DGKB: variants seen among roughly 807,000 people sequenced by gnomAD.
DGKB encodes 90 kDa diacylglycerol kinase.
DGKB carries 67 observed loss-of-function variants against 114.3 expected under a neutral mutation model. The ratio of observed to expected loss-of-function variants is 0.59; its 90% CI spans 0.48 to 0.72. DGKB has a LOEUF of 0.72. DGKB is among the 30% of genes least tolerant of loss of function. DGKB has a pLI of 0.00. For missense variants in DGKB, 907 were observed against 975.2 expected (o/e 0.93, Z 0.93); for synonymous variants, 398 against 323.1 (o/e 1.23, Z -2.49).
intron 21 of DGKB, among the ~76,000 whole-genome samples, chr7:14,435,089 T>C (rs990940747): frequency 6.6e-6 from 1 of 152,102 alleles, no homozygotes; most frequent in Non-Finnish European, 1.5e-5. Flanking sequence ...TTATTTTGCT[T>C]AATATTAACA....
chr7:14,623,519 G>A (rs947459007), intron 14 of DGKB, among the ~76,000 whole-genome samples: 3 of 152,066 alleles, frequency 2.0e-5, no homozygotes, highest in African/African-American at 4.8e-5. Context: ...AAATAGCTTT[G>A]AAAGTAAAGC....
At chr7:14,532,462 T>C (rs544212358) in intron 20 of DGKB, among the ~76,000 whole-genome samples, 24 of 151,562 alleles carry the variant, frequency 1.6e-4, no homozygotes, top group Middle Eastern at 6.8e-3. Context: ...TCCACATAAA[T>C]AGTAAAACTA....
chr7:14,806,208 C>A (rs1369701519), intron 2 of DGKB, among the ~76,000 whole-genome samples: 1 of 151,942 alleles, frequency 6.6e-6, no homozygotes, highest in Non-Finnish European at 1.5e-5. Flanking sequence ...AACTTTCACT[C>A]AAAGTGCTAT....
chr7:14,728,902 A>G (rs953844913), intron 5 of DGKB, among the ~76,000 whole-genome samples: 2 of 151,668 alleles, frequency 1.3e-5, no homozygotes, highest in Non-Finnish European at 2.9e-5. Context: ...GGGTTTCACT[A>G]TGTTGGCCAG....
At chr7:14,700,161 T>C (rs1017451183) in intron 7 of DGKB, among the ~76,000 whole-genome samples, 4 of 151,654 alleles carry the variant, frequency 2.6e-5, no homozygotes, top group Admixed American at 6.6e-5. Context: ...GTATTTCTAA[T>C]GGGAAACTGA....
At chr7:14,598,826 C>T (rs1585036837) in intron 17 of DGKB, among the ~76,000 whole-genome samples, 1 of 152,136 alleles carries the variant, frequency 6.6e-6, no homozygotes, top group Non-Finnish European at 1.5e-5. Context: ...ACTGCTCATG[C>T]TCTTTTTCTC....
chr7:14,352,703 T>C (rs1279984985), intron 21 of DGKB, among the ~76,000 whole-genome samples: 1 of 152,156 alleles, frequency 6.6e-6, no homozygotes, highest in Non-Finnish European at 1.5e-5. Flanking sequence ...GGTAGGCGGA[T>C]CACGAGGTCA....
intron 2 of DGKB, among the ~76,000 whole-genome samples, chr7:14,840,144 C>A (rs1847722142): frequency 6.6e-6 from 1 of 152,188 alleles, no homozygotes; most frequent in Non-Finnish European, 1.5e-5. Context: ...TGATACACAT[C>A]TCTTATATCC....
intron 23 of DGKB, among the ~76,000 whole-genome samples, chr7:14,319,039 A>T (rs1296750304): frequency 6.6e-6 from 1 of 151,722 alleles, no homozygotes; most frequent in Non-Finnish European, 1.5e-5. Context: ...TCGCAAGAAC[A>T]AAAAACCAAA....
At chr7:14,955,473 T>C (rs1297623435) in intron 1 of DGKB, among the ~76,000 whole-genome samples, 1 of 152,038 alleles carries the variant, frequency 6.6e-6, no homozygotes, top group Non-Finnish European at 1.5e-5. Context: ...TATATTCAAC[T>C]AACTTCCTTC....
chr7:14,406,759 C>G (rs1050397060), intron 21 of DGKB, among the ~76,000 whole-genome samples: 1 of 152,010 alleles, frequency 6.6e-6, no homozygotes, highest in Non-Finnish European at 1.5e-5. Flanking sequence ...TTTATTTGTA[C>G]AATATGAGAT....
At chr7:14,369,881 C>A (rs1817343662) in intron 21 of DGKB, among the ~76,000 whole-genome samples, 2 of 152,004 alleles carry the variant, frequency 1.3e-5, no homozygotes, top group East Asian at 3.9e-4. Flanking sequence ...TATGTAAATG[C>A]ACACATATCT....
intron 1 of DGKB, among the ~76,000 whole-genome samples, chr7:14,960,369 G>GC (rs1554354258): frequency 6.6e-6 from 1 of 151,706 alleles, no homozygotes; most frequent in Non-Finnish European, 1.5e-5. Context: ...CACCTAAAAA[G>GC]TTTTTTTAAT....
intron 1 of DGKB, among the ~76,000 whole-genome samples, chr7:14,973,225 T>C (rs781484640): frequency 2.4e-4 from 37 of 151,966 alleles, no homozygotes; most frequent in Non-Finnish European, 4.9e-4. Context: ...TCTCTACTTA[T>C]CTCTATGCTT....
intron 23 of DGKB, among the ~76,000 whole-genome samples, chr7:14,265,725 A>G (rs1250543330): frequency 6.6e-6 from 1 of 152,108 alleles, no homozygotes; most frequent in Non-Finnish European, 1.5e-5. Context: ...TTTTCAATAT[A>G]CCCTCATGGT....
At chr7:14,213,086 A>G (rs62445574) in intron 23 of DGKB, among the ~76,000 whole-genome samples, 10,788 of 152,130 alleles carry the variant, frequency 0.071, 536 homozygotes, top group Middle Eastern at 0.14. Context: ...TTTGAAATAT[A>G]TCAGTTTTGT....
In DGKB at chr7:14,147,115, T is replaced by C. The variant is rs1781558513; in HGVS notation, c.*2016A>G. The C allele has an allele frequency of 6.6e-6, 1 of 152,160 alleles. No individual in the cohort carries two copies. Among genetic ancestry groups the C allele is most frequent in the African/African-American group, 2.4e-5 (1 of 41,462 alleles). The allele number at this position is 152,160 out of a possible 1,614,324, so 9.4% of individuals were successfully genotyped here. Reference sequence around the variant, plus strand: ...TGAAAATATTTATTACCTGCAACCATAGATACAAAAAATCAATGTGTGTGT... The same window carrying C: ...TGAAAATATTTATTACCTGCAACCACAGATACAAAAAATCAATGTGTGTGT... On this transcript the variant is annotated 3_prime_UTR_variant, in exon 26 of 26. Coordinates refer to ENST00000402815, the MANE Select transcript of DGKB (RefSeq NM_001350709.2).
At chr7:14,170,472 C>G (rs1471649876) in intron 25 of DGKB, among the ~76,000 whole-genome samples, 2 of 152,138 alleles carry the variant, frequency 1.3e-5, no homozygotes, top group African/African-American at 4.8e-5. Flanking sequence ...AATTTTATAT[C>G]TAGGTATTGT....
intron 21 of DGKB, among the ~76,000 whole-genome samples, chr7:14,363,991 T>C (rs1024571769): frequency 6.6e-6 from 1 of 152,020 alleles, no homozygotes; most frequent in Non-Finnish European, 1.5e-5. Flanking sequence ...TTAAACACTG[T>C]ATATAACCAG....
Sources: allele counts gnomAD v4.1 joint callset (sites outside exome capture counted in the v4.1 genomes callset), GRCh38; gene constraint gnomAD v4.1.1; transcripts MANE v1.5; gene names NCBI Gene and HGNC (gene_info 2026-07-23, HGNC 2026-07-21).